The following TMEM132B variants were observed in gnomAD, a reference collection of about 807,000 sequenced individuals.
TMEM132B encodes transmembrane protein 132B.
Under a neutral mutation model 90.8 loss-of-function variants are expected in TMEM132B, and 18 were observed. The ratio of observed to expected loss-of-function variants is 0.20; its 90% CI spans 0.14 to 0.29. TMEM132B has a LOEUF of 0.29. Ranked by LOEUF, TMEM132B falls within the 10% of genes least tolerant of loss-of-function variation. The pLI is 1.00. For missense variants in TMEM132B, 1,096 were observed against 1,326.8 expected (o/e 0.83, Z 2.70); for synonymous variants, 504 against 523.3 (o/e 0.96, Z 0.50).
At chr12:125,214,570 G>A (rs896986989) in intron 1 of TMEM132B, among the ~76,000 whole-genome samples, 1 of 152,196 alleles carries the variant, frequency 6.6e-6, no homozygotes, top group Admixed American at 6.5e-5. Context: ...GCTGGACCAC[G>A]TTATAGAGAG....
intron 3 of TMEM132B, among the ~76,000 whole-genome samples, chr12:125,472,432 C>T (rs541491381): frequency 3.3e-5 from 5 of 152,136 alleles, no homozygotes; most frequent in South Asian, 2.1e-4. Context: ...CAGGGAGCCA[C>T]GGGTCTGACC....
chr12:125,440,440 G>A (rs1298582765), intron 3 of TMEM132B, among the ~76,000 whole-genome samples: 2 of 152,142 alleles, frequency 1.3e-5, no homozygotes, highest in African/African-American at 4.8e-5. Flanking sequence ...TGCTATAAAG[G>A]GAAAGAAAGT....
At chr12:125,509,330 T>G (rs1592963299) in intron 3 of TMEM132B, among the ~76,000 whole-genome samples, 1 of 152,294 alleles carries the variant, frequency 6.6e-6, no homozygotes, top group Admixed American at 6.5e-5. Context: ...ATGGGTACCG[T>G]TCACCACTTC....
chr12:125,337,233 C>T (rs367680722), intron 1 of TMEM132B, among the ~76,000 whole-genome samples: 79 of 152,300 alleles, frequency 5.2e-4, no homozygotes, highest in African/African-American at 1.7e-3. Context: ...CTGTCCAAAT[C>T]GTAAGCCTAT....
chr12:125,349,518 C>G lies in TMEM132B; in HGVS notation c.134C>G (p.Thr45Arg). 6.2e-7 allele frequency: 1 copy of G among 1,614,184 alleles called. No individual in the cohort carries two copies. Among genetic ancestry groups the G allele is most frequent in the Non-Finnish European group, 8.5e-7 (1 of 1,180,038 alleles). ...TCCTCGCTCCCTGCTTACCTCCCCACGAACTTGCACATCTCCAATGCAGAG... is the reference window on the plus strand; with the variant it reads ...TCCTCGCTCCCTGCTTACCTCCCCAGGAACTTGCACATCTCCAATGCAGAG... ...KFSSLPAYLP[T>R]NLHISNAEES... is the part of the protein sequence containing the mutation. Residue 45 changes from threonine (T) to arginine (R), a missense_variant, in exon 2 of 9, where the codon ACG (threonine) becomes AGG (arginine). Physicochemically the swap from Thr to Arg is moderately conservative, Grantham distance 71. Coordinates refer to ENST00000682704, the MANE Select transcript of TMEM132B (RefSeq NM_001366854.1). The surrounding 1 kb of genome is among the most constrained non-coding windows in gnomAD (Gnocchi z 4.1).
intron 4 of TMEM132B, among the ~76,000 whole-genome samples, chr12:125,521,805 C>T (rs548145004): frequency 1.3e-5 from 2 of 152,330 alleles, no homozygotes; most frequent in South Asian, 4.1e-4. Context: ...CTCCTCCTGC[C>T]AGATCCTGCA....
At chr12:125,371,519 G>C (rs146214740) in intron 2 of TMEM132B, among the ~76,000 whole-genome samples, 1 of 152,290 alleles carries the variant, frequency 6.6e-6, no homozygotes, top group East Asian at 1.9e-4. Flanking sequence ...CCAGGGGCTT[G>C]AAAACTCTCC....
chr12:125,409,624 A>G (rs1593128551), intron 2 of TMEM132B, among the ~76,000 whole-genome samples: 2 of 48,538 alleles, frequency 4.1e-5, no homozygotes, highest in African/African-American at 1.0e-4. Context: ...GGAGTGGAGG[A>G]GTGGAGTGGA....
At position 125,541,815 on chromosome 12, in the gene TMEM132B, C is replaced by T. The variant is rs140443239; in HGVS notation, c.1293+22190C>T. Among the ~76,000 whole-genome samples the T allele has an allele frequency of 6.1e-3, 915 of 151,114 alleles. 8 individuals carry two copies. The highest frequency in any genetic ancestry group is 0.021 in the African/African-American group (876 of 41,148). Reference sequence around the variant, plus strand: ...CTGATGGATCACGAGGTCAGGAGATCGAGACCATCCTGGCTAACACGGTGA... The same window carrying T: ...CTGATGGATCACGAGGTCAGGAGATTGAGACCATCCTGGCTAACACGGTGA... On this transcript the variant is annotated intron_variant, in intron 4 of 8. Transcript: ENST00000682704.
intron 1 of TMEM132B, among the ~76,000 whole-genome samples, chr12:125,229,420 T>C (rs10846844): frequency 0.037 from 5,671 of 152,296 alleles, 132 homozygotes; most frequent in Non-Finnish European, 0.049. Flanking sequence ...TTCATTCCTC[T>C]TCCATTACCT....
intron 4 of TMEM132B, among the ~76,000 whole-genome samples, chr12:125,526,688 A>G (rs564391508): frequency 1.3e-5 from 2 of 152,306 alleles, no homozygotes; most frequent in East Asian, 3.9e-4. Flanking sequence ...CCTCTACTTC[A>G]TGAAGATAAA....
intron 1 of TMEM132B, among the ~76,000 whole-genome samples, chr12:125,231,505 G>A (rs1490197072): frequency 1.3e-5 from 2 of 152,132 alleles, no homozygotes; most frequent in African/African-American, 4.8e-5. Context: ...GAGTATTTGA[G>A]CATGTTTGTC....
chr12:125,652,716 G>C (rs2137053005), intron 8 of TMEM132B, 84 bp downstream of exon 8: 1 of 1,452,158 alleles, frequency 6.9e-7, no homozygotes, highest in East Asian at 2.4e-5. Context: ...GAGAGCAGGA[G>C]AGCCCTCACG....
At chr12:125,311,202 C>G (rs112318039) in intron 1 of TMEM132B, among the ~76,000 whole-genome samples, 158 of 152,284 alleles carry the variant, frequency 1.0e-3, no homozygotes, top group African/African-American at 3.6e-3. Flanking sequence ...CTCACTGGCA[C>G]TCAACCCGTT....
intron 2 of TMEM132B, among the ~76,000 whole-genome samples, chr12:125,363,369 A>G (rs1392467903): frequency 6.6e-6 from 1 of 152,074 alleles, no homozygotes; most frequent in East Asian, 1.9e-4. Flanking sequence ...CACAGCGGTA[A>G]AGAAGGAAGC....
intron 1 of TMEM132B, among the ~76,000 whole-genome samples, chr12:125,261,051 A>G (rs1874556307): frequency 6.6e-6 from 1 of 152,140 alleles, no homozygotes; most frequent in Non-Finnish European, 1.5e-5. Context: ...GGCTGTGTGC[A>G]CACTGGTTGT....
chr12:125,270,698 A>G (rs973904477), intron 1 of TMEM132B, among the ~76,000 whole-genome samples: 38 of 140,614 alleles, frequency 2.7e-4, no homozygotes, highest in African/African-American at 9.8e-4. Context: ...GCCAAACCCC[A>G]TTGGTCAAGG....
chr12:125,303,599 G>A (rs979382900), intron 1 of TMEM132B, among the ~76,000 whole-genome samples: 5 of 152,058 alleles, frequency 3.3e-5, no homozygotes, highest in Non-Finnish European at 7.4e-5. Flanking sequence ...TTATATTTTC[G>A]CCAGCAATCT....
intron 3 of TMEM132B, among the ~76,000 whole-genome samples, chr12:125,432,095 GGT>G (rs1315302987): frequency 1.3e-5 from 2 of 151,892 alleles, no homozygotes; most frequent in East Asian, 1.9e-4. Flanking sequence ...GTGTTGGTGG[GGT>G]GTGACAGGGG....
Sources: gnomAD v4.1 joint callset for allele counts (sites outside exome capture counted in the v4.1 genomes callset) on GRCh38, gnomAD v4.1.1 for gene constraint, Gnocchi (gnomAD v3.1) non-coding constraint, MANE v1.5 for transcripts, NCBI Gene and HGNC (gene_info 2026-07-23, HGNC 2026-07-21) for gene names.